DNAJC10: variants seen among roughly 807,000 people sequenced by gnomAD.
DNAJC10 encodes endoplasmic reticulum disulfide reductase DNAJC10.
DNAJC10 carries 101 observed loss-of-function variants against 115.0 expected under a neutral mutation model. The observed-to-expected ratio is 0.88, with a 90% CI of 0.75 to 1.04. DNAJC10 has a LOEUF of 1.04. Ranked by LOEUF, DNAJC10 falls within the 50% of genes least tolerant of loss-of-function variation. DNAJC10 has a pLI of 0.00. For synonymous variants in DNAJC10, 307 were observed against 301.5 expected, an observed-to-expected ratio of 1.02 and a Z score of -0.19; for missense variants, 981 against 928.8, an observed-to-expected ratio of 1.06 and a Z score of -0.73.
rs1694737153 is a variant in DNAJC10, at chr2:182,777,421, T to TTG, written c.*290_*291insGT. 9.0e-6 allele frequency: 2 copies of TTG among 222,910 alleles called. No homozygotes were observed. Among genetic ancestry groups the TTG allele is most frequent in the Admixed American group, 1.1e-4 (2 of 17,648 alleles). The allele number at this position is 222,910 out of a possible 1,614,324, so 13.8% of individuals were successfully genotyped here. A position where few individuals can be genotyped will look rare whatever the true frequency, so the allele number is the denominator to read the frequency against. On this transcript the variant is annotated 3_prime_UTR_variant, in exon 24 of 24. Coordinates refer to ENST00000264065, the MANE Select transcript of DNAJC10 (RefSeq NM_018981.4). ...TCTTTGTTATTTGCTTTTAACAACC[T>TTG]TTAAAAAATATTAAAACGATTCTTA...
chr2:182,747,604 G>C (rs1168604115), intron 14 of DNAJC10, among the ~76,000 whole-genome samples: 1 of 152,020 alleles, frequency 6.6e-6, no homozygotes, highest in Non-Finnish European at 1.5e-5. Flanking sequence ...TGCTGAAGTT[G>C]TTTATCAGCT....
At position 182,720,160 on chromosome 2, in the gene DNAJC10, T is replaced by TA; in HGVS notation, c.359dup (p.Tyr120Ter). 1.2e-6 allele frequency: 2 copies of TA among 1,606,638 alleles called. No individual in the cohort carries two copies. The highest frequency in any genetic ancestry group is 1.3e-5 in the African/African-American group (1 of 74,526). ...GQYESWNYYR[Y>*]DFGIYDDDPE... ...GTATGAAAGCTGGAACTATTATCGT[T>TA]ATGATTTTGGTAAGGTGATACGATA... is the stretch of plus-strand genomic sequence containing the variant. The change falls in exon 4 of 24, where the codon TAT becomes TAAT. Residue 120 changes from tyrosine (Y) to a stop codon, truncating the protein, a stop_gained and frameshift_variant. Transcript: ENST00000264065. LOFTEE classifies it high-confidence loss of function.
In DNAJC10 at chr2:182,784,746, A is replaced by G. The variant is rs1034158456; in HGVS notation, c.*7614A>G. The stretch of plus-strand genomic sequence containing the variant: ...TTATTGTAAAATTTAAGGTAGCTCT[A>G]CCTGCTAAAGTAGCACCTATTCTTT... On this transcript the variant is annotated 3_prime_UTR_variant, in exon 24 of 24. Transcript: ENST00000264065. 1 of 152,208 alleles carries G rather than the reference A, an allele frequency of 6.6e-6. No homozygotes were observed. Among genetic ancestry groups the G allele is most frequent in the African/African-American group, 2.4e-5 (1 of 41,454 alleles). 9.4% of individuals were successfully genotyped at this position (152,208 alleles called of 1,614,324 possible). A position where few individuals can be genotyped will look rare whatever the true frequency, so the allele number is the denominator to read the frequency against.
chr2:182,766,353 G>C (rs775395659), intron 22 of DNAJC10, among the ~76,000 whole-genome samples: 1 of 152,176 alleles, frequency 6.6e-6, no homozygotes, highest in African/African-American at 2.4e-5. Context: ...GATGTAAAGA[G>C]GGTGATGATG....
In DNAJC10 at chr2:182,781,905, C is replaced by T. The variant is rs1298980676; in HGVS notation, c.*4773C>T. 2 of 152,246 alleles carry T rather than the reference C, an allele frequency of 1.3e-5. No individual in the cohort carries two copies. Among genetic ancestry groups the T allele is most frequent in the African/African-American group, 4.8e-5 (2 of 41,556 alleles). 9.4% of individuals were successfully genotyped at this position (152,246 alleles called of 1,614,324 possible). ...AAGTTTCTCCCATTCTGTAGGTTGC[C>T]TGTTCACTCTGATCATAGTTTCTTT... On this transcript the variant is annotated 3_prime_UTR_variant, in exon 24 of 24. Transcript: ENST00000264065.
At chr2:182,772,048 T>C (rs1423581530) in intron 22 of DNAJC10, among the ~76,000 whole-genome samples, 1 of 152,226 alleles carries the variant, frequency 6.6e-6, no homozygotes, top group Non-Finnish European at 1.5e-5. Flanking sequence ...TCAAAGAACA[T>C]CTTTATTTCT....
intron 12 of DNAJC10, 27 bp from the exon 13 acceptor site, chr2:182,741,216 C>A (rs759729744): frequency 2.7e-6 from 4 of 1,461,624 alleles, no homozygotes; most frequent in Non-Finnish European, 3.8e-6. Flanking sequence ...CCATCTCTGA[C>A]ATTTTGTTTT....
chr2:182,749,727 GTATT>G (rs2105663601), intron 14 of DNAJC10, among the ~76,000 whole-genome samples: 1 of 152,280 alleles, frequency 6.6e-6, no homozygotes, highest in African/African-American at 2.4e-5. Context: ...GCAGTGGAGA[GTATT>G]TATTGTCTAT....
At position 182,734,206 on chromosome 2, in the gene DNAJC10, C is replaced by T. The variant is rs1693527503; in HGVS notation, c.849+1664C>T. Among the ~76,000 whole-genome samples the T allele has an allele frequency of 2.0e-5, 3 of 150,432 alleles. No individual in the cohort carries two copies. In the South Asian group the frequency reaches 6.3e-4, roughly 31 times the overall value. ...GAATGATTAGTTCATTGATCTTAGG[C>T]TTTCCTTTCTAATATATGAATTTAG... is the stretch of plus-strand genomic sequence containing the variant. On this transcript the variant is annotated intron_variant, in intron 10 of 23. Coordinates refer to ENST00000264065, the MANE Select transcript of DNAJC10 (RefSeq NM_018981.4).
intron 18 of DNAJC10, 112 bp downstream of exon 18, chr2:182,756,581 A>G: frequency 9.7e-7 from 1 of 1,035,984 alleles, no homozygotes; most frequent in Non-Finnish European, 1.4e-6. Context: ...TTACTTAATA[A>G]CAGTACTGAT....
At chr2:182,755,937 A>G (rs1314517224) in intron 17 of DNAJC10, among the ~76,000 whole-genome samples, 3 of 152,188 alleles carry the variant, frequency 2.0e-5, no homozygotes, top group African/African-American at 7.2e-5. Context: ...ATTTTTTACA[A>G]AACTAATGAG....
chr2:182,752,931 A>G (rs940568221), intron 16 of DNAJC10, among the ~76,000 whole-genome samples: 4 of 152,164 alleles, frequency 2.6e-5, no homozygotes, highest in Non-Finnish European at 4.4e-5. Context: ...CAAATACAAC[A>G]TTTAGACTTT....
chr2:182,789,448 T>TG lies in DNAJC10; in HGVS notation c.*12317dup. Reference sequence around the variant, plus strand: ...GTTGGCCAGGCTGGTCTCGAACTCTTGACCTCAGGTGATCCGCCTGCCTTG... The same window carrying TG: ...GTTGGCCAGGCTGGTCTCGAACTCTTGGACCTCAGGTGATCCGCCTGCCTTG... On this transcript the variant is annotated 3_prime_UTR_variant, in exon 24 of 24. Transcript: ENST00000264065. 1 of 152,370 alleles carries TG rather than the reference T, an allele frequency of 6.6e-6. No individual in the cohort carries two copies. Among genetic ancestry groups the TG allele is most frequent in the East Asian group, 1.9e-4 (1 of 5,206 alleles). The allele number at this position is 152,370 out of a possible 1,614,324, so 9.4% of individuals were successfully genotyped here.
rs1427610650 is a variant in DNAJC10 at position 182,759,319 on chromosome 2, C to T, written c.2145+12C>T. 1.9e-6 allele frequency: 3 copies of T among 1,602,878 alleles called. No individual in the cohort carries two copies. The highest frequency in any genetic ancestry group is 2.3e-5 in the South Asian group (2 of 87,904). ...AGCTCTTGGCTAGGGTAAGTCATACCTGTCTTAAATAAGTTGTAGCCACAT... is the reference window on the plus strand; with the variant it reads ...AGCTCTTGGCTAGGGTAAGTCATACTTGTCTTAAATAAGTTGTAGCCACAT... On this transcript the variant is annotated intron_variant, in intron 21 of 23. Transcript: ENST00000264065.
Position 182,783,222 on chromosome 2 carries a change from A to G in DNAJC10, c.*6090A>G, listed in dbSNP as rs1024599686. 22 of 152,212 alleles carry G rather than the reference A, an allele frequency of 1.4e-4. No individual in the cohort carries two copies. Among genetic ancestry groups the G allele is most frequent in the Non-Finnish European group, 2.5e-4 (17 of 68,044 alleles). The allele number at this position is 152,212 out of a possible 1,614,324, so 9.4% of individuals were successfully genotyped here. The stretch of plus-strand genomic sequence containing the variant: ...GAGGAAGTAAAATGTCTTTAAAAGA[A>G]TAAGTGTTGATTTTTGGAAAATATG... On this transcript the variant is annotated 3_prime_UTR_variant, in exon 24 of 24. Transcript: ENST00000264065.
At position 182,762,842 on chromosome 2, in the gene DNAJC10, A is replaced by G. The variant is rs1312333479; in HGVS notation, c.2265+41A>G. 9 of 1,586,824 alleles carry G rather than the reference A, an allele frequency of 5.7e-6. No individual in the cohort carries two copies. In the African/African-American group the frequency reaches 6.8e-5, roughly 12 times the overall value. On this transcript the variant is annotated intron_variant, in intron 22 of 23. Transcript: ENST00000264065. ...CCTCTGTTCCTTCCCTTAGTAGGCCAAGCTCAAAAGATGTGTTTCAGTCTG... is the reference window on the plus strand; with the variant it reads ...CCTCTGTTCCTTCCCTTAGTAGGCCGAGCTCAAAAGATGTGTTTCAGTCTG...
intron 14 of DNAJC10, 57 bp downstream of exon 14, chr2:182,743,769 T>G (rs1265074782): frequency 2.4e-6 from 3 of 1,251,438 alleles, no homozygotes; most frequent in Non-Finnish European, 3.4e-6. Context: ...AATAGAAGTT[T>G]TCTAATTGTG....
intron 14 of DNAJC10, among the ~76,000 whole-genome samples, chr2:182,748,888 T>C (rs1427728978): frequency 5.3e-5 from 8 of 152,200 alleles, no homozygotes; most frequent in African/African-American, 1.9e-4. Flanking sequence ...AGAACATCTT[T>C]ATTTCTGCCT....
In DNAJC10 at chr2:182,787,666, C is replaced by G. The variant is rs998908888; in HGVS notation, c.*10534C>G. The G allele has an allele frequency of 6.6e-6, 1 of 152,232 alleles. No homozygotes were observed. Among genetic ancestry groups the G allele is most frequent in the Non-Finnish European group, 1.5e-5 (1 of 68,124 alleles). The allele number at this position is 152,232 out of a possible 1,614,324, so 9.4% of individuals were successfully genotyped here. On this transcript the variant is annotated 3_prime_UTR_variant, in exon 24 of 24. Coordinates refer to ENST00000264065, the MANE Select transcript of DNAJC10 (RefSeq NM_018981.4). ...CAGGTGCGGTGGCTCACACCTGTAA[C>G]TCCAGCACTTTGGAAGGCCCAGGCA...
Sources: allele counts gnomAD v4.1 joint callset (sites outside exome capture counted in the v4.1 genomes callset), GRCh38; gene constraint gnomAD v4.1.1; transcripts MANE v1.5; gene names NCBI Gene and HGNC (gene_info 2026-07-23, HGNC 2026-07-21).